The following SBF2 variants were observed in gnomAD, a reference collection of about 807,000 sequenced individuals.
The protein encoded by SBF2 is SET binding factor 2, also known as myotubularin-related protein 13.
A neutral mutation model predicts 225.2 loss-of-function variants in SBF2; 112 were observed. The ratio of observed to expected loss-of-function variants is 0.50; its 90% CI spans 0.43 to 0.58. The LOEUF is 0.58. Among genes scored for constraint, SBF2 ranks in the 20% least tolerant of loss-of-function variants. The pLI, the probability that SBF2 is intolerant of heterozygous loss-of-function variation, is 0.00. For missense variants in SBF2, 1,996 were observed against 2,206.2 expected, an observed-to-expected ratio of 0.90 and a Z score of 1.91; for synonymous variants, 763 against 773.3, an observed-to-expected ratio of 0.99 and a Z score of 0.22.
chr11:9,806,211 A>C (rs1284989200), intron 32 of SBF2, among the ~76,000 whole-genome samples: 1 of 152,238 alleles, frequency 6.6e-6, no homozygotes, highest in African/African-American at 2.4e-5. Flanking sequence ...AATACATATA[A>C]AGTGGGAGCG....
intron 28 of SBF2, among the ~76,000 whole-genome samples, chr11:9,823,373 A>G (rs1854882533): frequency 1.3e-5 from 2 of 152,182 alleles, no homozygotes; most frequent in South Asian, 4.1e-4. Flanking sequence ...TCAGACCAGG[A>G]GAGACACACA....
At chr11:9,845,844 C>A in intron 23 of SBF2, 104 bp from the exon 24 acceptor site, 1 of 1,032,874 alleles carries the variant, frequency 9.7e-7, no homozygotes. Context: ...GACTGGAGGT[C>A]AAAGGGACTT....
intron 4 of SBF2, among the ~76,000 whole-genome samples, chr11:10,030,084 G>A (rs1191897956): frequency 1.3e-5 from 2 of 152,162 alleles, no homozygotes; most frequent in Admixed American, 6.6e-5. Context: ...TGAGTTTATA[G>A]AAAGCAGAAA....
chr11:9,922,646 C>T (rs1863721888), intron 16 of SBF2, among the ~76,000 whole-genome samples: 1 of 152,062 alleles, frequency 6.6e-6, no homozygotes, highest in Non-Finnish European at 1.5e-5. Context: ...CATTTAAAGA[C>T]CATCTGTAGT....
At chr11:10,015,464 T>C (rs925535037) in intron 6 of SBF2, among the ~76,000 whole-genome samples, 4 of 152,342 alleles carry the variant, frequency 2.6e-5, no homozygotes, top group African/African-American at 9.6e-5. Flanking sequence ...ACGTTCCTTG[T>C]CTTGTGGTTT....
intron 16 of SBF2, among the ~76,000 whole-genome samples, chr11:9,951,867 C>G (rs1459522163): frequency 2.6e-5 from 4 of 152,202 alleles, no homozygotes; most frequent in African/African-American, 9.6e-5. Context: ...ATGGTCCCTT[C>G]TGTTTAGGTC....
intron 21 of SBF2, among the ~76,000 whole-genome samples, chr11:9,851,410 T>C (rs1012286252): frequency 1.3e-5 from 2 of 152,194 alleles, no homozygotes; most frequent in Non-Finnish European, 2.9e-5. Flanking sequence ...TGAAATTATT[T>C]GCACATTATT....
chr11:9,989,114 T>C (rs1947315158), intron 13 of SBF2, among the ~76,000 whole-genome samples: 1 of 151,142 alleles, frequency 6.6e-6, no homozygotes, highest in Non-Finnish European at 1.5e-5. Flanking sequence ...TGTGCAGCCA[T>C]GAAAAGGAAT....
intron 17 of SBF2, among the ~76,000 whole-genome samples, chr11:9,861,916 T>C (rs1857783505): frequency 6.6e-6 from 1 of 152,160 alleles, no homozygotes; most frequent in Non-Finnish European, 1.5e-5. Context: ...GGACTATATA[T>C]GTTCCAAGGA....
In SBF2 at chr11:10,174,839, A is replaced by G. The variant is rs564884166; in HGVS notation, c.141+19063T>C. 2.6e-5 allele frequency among the ~76,000 whole-genome samples: 4 copies of G among 151,820 alleles called. 1 individual carries two copies. The South Asian group carries it at 8.3e-4, about 32-fold the overall frequency. ...CGGCAGAAACTCTACAAGCCAGAAG[A>G]CAGTGGGGGCCAATATTCAACATTC... is the stretch of plus-strand genomic sequence containing the variant. On this transcript the variant is annotated intron_variant, in intron 2 of 39. Coordinates refer to ENST00000256190, the MANE Select transcript of SBF2 (RefSeq NM_030962.4).
At chr11:9,978,858 G>T (rs1590664812) in intron 13 of SBF2, among the ~76,000 whole-genome samples, 1 of 152,116 alleles carries the variant, frequency 6.6e-6, no homozygotes, top group East Asian at 1.9e-4. Flanking sequence ...AAGTAGCTGG[G>T]TGTGGTGGCA....
rs1287523312 is a variant in SBF2 at position 9,858,296 on chromosome 11, A to G, written c.2030T>C (p.Val677Ala). The G allele has an allele frequency of 6.2e-7, 1 of 1,614,192 alleles. No homozygotes were observed. Among genetic ancestry groups the G allele is most frequent in the Non-Finnish European group, 8.5e-7 (1 of 1,180,016 alleles). ...ATAAAGGGAGCGAACCTGTTCCTGC[A>G]CTGCATTGTAAAAGGTTGTCTCCCA... ...QFWETTFYNA[V>A]QEQVRSLYLS... Residue 677 changes from valine to alanine, a missense_variant, in exon 18 of 40, where the codon GTG becomes GCG. Coordinates refer to ENST00000256190, the MANE Select transcript of SBF2 (RefSeq NM_030962.4).
intron 16 of SBF2, among the ~76,000 whole-genome samples, chr11:9,924,845 C>T (rs1308099676): frequency 2.0e-5 from 3 of 152,068 alleles, no homozygotes; most frequent in Non-Finnish European, 1.5e-5. Flanking sequence ...ACCTTCCAGG[C>T]TCAGGCAATC....
chr11:9,789,119 C>T lies in SBF2; in HGVS notation c.4922G>A (p.Ser1641Asn). 6.2e-7 allele frequency: 1 copy of T among 1,614,106 alleles called. No homozygotes were observed. The highest frequency in any genetic ancestry group is 8.5e-7 in the Non-Finnish European group (1 of 1,179,976). The change falls in exon 35 of 40, where the codon AGC becomes AAC. Residue 1641 changes from serine to asparagine, a missense_variant. Physicochemically the swap from Ser to Asn is conservative, Grantham distance 46. Transcript: ENST00000256190. ...CTACAGTTGACTTACACTGAAAAGG[C>T]TGGTGAGAGCATCAGGCTGAGTACA... ...VSCTQPDALTSLFSEIEKLEH... is the reference protein window; with the variant it reads ...VSCTQPDALTNLFSEIEKLEH...
At position 9,780,237 on chromosome 11, in the gene SBF2, C is replaced by T; in HGVS notation, c.*181G>A. On this transcript the variant is annotated 3_prime_UTR_variant, in exon 40 of 40. Coordinates refer to ENST00000256190, the MANE Select transcript of SBF2 (RefSeq NM_030962.4). ...GGAGTGCATGGGGCTGTTGACCAGA[C>T]CTGTGTGAAACACCTATTCAGGTTA... The T allele has an allele frequency of 1.5e-6, 1 of 660,276 alleles. No individual in the cohort carries two copies. The highest frequency in any genetic ancestry group is 2.1e-5 in the Admixed American group (1 of 47,738). The allele number at this position is 660,276 out of a possible 1,614,324, so 40.9% of individuals were successfully genotyped here. A position where few individuals can be genotyped will look rare whatever the true frequency, so the allele number is the denominator to read the frequency against.
chr11:10,103,562 A>G (rs1010340900), intron 2 of SBF2, among the ~76,000 whole-genome samples: 3 of 152,202 alleles, frequency 2.0e-5, no homozygotes, highest in African/African-American at 7.2e-5. Flanking sequence ...TGTGGCTAAG[A>G]CTTTTTGTCA....
intron 2 of SBF2, among the ~76,000 whole-genome samples, chr11:10,121,659 T>C (rs1211303920): frequency 6.6e-6 from 1 of 152,256 alleles, no homozygotes; most frequent in African/African-American, 2.4e-5. Flanking sequence ...TATAAAAATA[T>C]GCTTTTGTAC....
intron 13 of SBF2, among the ~76,000 whole-genome samples, chr11:9,972,534 G>A (rs943921390): frequency 2.6e-5 from 4 of 152,180 alleles, no homozygotes; most frequent in Admixed American, 2.6e-4. Flanking sequence ...AGGCTGGGGT[G>A]CAGTGGCGCG....
chr11:9,805,222 G>C (rs1368396923), intron 32 of SBF2, among the ~76,000 whole-genome samples: 1 of 150,914 alleles, frequency 6.6e-6, no homozygotes, highest in Non-Finnish European at 1.5e-5. Flanking sequence ...CTCCAACCTA[G>C]GTGACAGAGT....
Sources: gnomAD v4.1 joint callset for allele counts (sites outside exome capture counted in the v4.1 genomes callset) on GRCh38, gnomAD v4.1.1 for gene constraint, MANE v1.5 for transcripts, NCBI Gene and HGNC (gene_info 2026-07-23, HGNC 2026-07-21) for gene names.